The following XIST variants were observed in gnomAD, a reference collection of about 807,000 sequenced individuals.
The protein encoded by XIST is X inactive specific transcript (non-protein coding).
intron 2 of XIST, among the ~76,000 whole-genome samples, chrX:73,836,473 G>C (rs910242746): frequency 9.0e-6 from 1 of 111,623 alleles, no homozygotes; most frequent in South Asian, 3.7e-4. Context: ...GGAGGTAACA[G>C]ATAAGCAAGG....
exon 1 of XIST, chrX:73,843,614 G>A (rs745902118): frequency 9.0e-6 from 5 of 557,006 alleles, no homozygotes; most frequent in Non-Finnish European, 1.3e-5. Flanking sequence ...TGCATATTAA[G>A]TCCAAAAGAA....
intron 2 of XIST, among the ~76,000 whole-genome samples, chrX:73,834,222 G>T (rs1050002316): frequency 1.2e-4 from 14 of 112,287 alleles, no homozygotes; most frequent in African/African-American, 4.2e-4. Context: ...CACTCCATAT[G>T]CAAGCAAATA....
At chrX:73,828,091 T>A in intron 5 of XIST, 2 of 436,145 alleles carry the variant, frequency 4.6e-6, no homozygotes, top group African/African-American at 2.5e-5. Flanking sequence ...CACAGAAAGA[T>A]AAAAAAAATC....
exon 1 of XIST, chrX:73,846,726 A>C (rs1159233357): frequency 3.6e-6 from 2 of 557,505 alleles, no homozygotes; most frequent in Admixed American, 4.4e-5. Flanking sequence ...GACAAATACA[A>C]TCACACATAT....
intron 5 of XIST, chrX:73,828,069 C>A: frequency 2.3e-6 from 1 of 439,780 alleles, no homozygotes; most frequent in Non-Finnish European, 3.9e-6. Flanking sequence ...GCACAAGAGG[C>A]ATGAAAAGCA....
chrX:73,838,065 G>GT (rs1243857374), intron 1 of XIST, among the ~76,000 whole-genome samples: 3 of 111,439 alleles, frequency 2.7e-5, no homozygotes, highest in Admixed American at 9.5e-5. Flanking sequence ...AAAATAAGTC[G>GT]TAAGTTAGTA....
At chrX:73,839,932 T>G (rs1269118019) in intron 1 of XIST, among the ~76,000 whole-genome samples, 1 of 110,441 alleles carries the variant, frequency 9.1e-6, no homozygotes, top group Non-Finnish European at 1.9e-5. Flanking sequence ...ATGTTGACAA[T>G]GAATGACAAT....
chrX:73,844,995 C>T (rs765042747), exon 1 of XIST: 3 of 550,770 alleles, frequency 5.4e-6, no homozygotes, highest in Non-Finnish European at 9.8e-6. Context: ...AATATAATCA[C>T]ATACGTTAAC....
exon 1 of XIST, chrX:73,848,049 G>C (rs770001096): frequency 3.6e-6 from 2 of 557,645 alleles, no homozygotes; most frequent in Admixed American, 2.2e-5. Context: ...GGGGTCTTTA[G>C]TGCACAGGAA....
exon 6 of XIST, chrX:73,826,422 A>C: frequency 1.8e-6 from 1 of 557,668 alleles, no homozygotes; most frequent in Non-Finnish European, 3.2e-6. Flanking sequence ...GAAGATGTGA[A>C]TAGAAACAGA....
exon 6 of XIST, chrX:73,820,967 A>T (rs760442661): frequency 1.8e-6 from 1 of 559,132 alleles, no homozygotes; most frequent in Admixed American, 2.2e-5. Context: ...ATGTGAATAA[A>T]GCAGATGATG....
intron 1 of XIST, among the ~76,000 whole-genome samples, chrX:73,839,502 T>C (rs1250394123): frequency 1.8e-5 from 2 of 111,413 alleles, no homozygotes; most frequent in Admixed American, 9.6e-5. Context: ...AGATTGATGG[T>C]GATCTGAACC....
At chrX:73,850,603 G>C (rs1375417862) in exon 1 of XIST, 1 of 529,273 alleles carries the variant, frequency 1.9e-6, no homozygotes, top group African/African-American at 2.5e-5. Flanking sequence ...TCTGGTCCTT[G>C]CCACGGCTCA....
rs369772052 is a variant in XIST at position 73,821,634 on chromosome X, G to C, written n.18267C>G. 967 of 554,339 alleles carry C rather than the reference G, an allele frequency of 1.7e-3. 8 individuals carry two copies. Among genetic ancestry groups the C allele is most frequent in the South Asian group, 8.5e-3 (375 of 43,983 alleles). 45.7% of individuals were successfully genotyped at this position (554,339 alleles called of 1,213,427 possible). A position where few individuals can be genotyped will look rare whatever the true frequency, so the allele number is the denominator to read the frequency against. ...GTTCTTAAGACCAATTCAGAACAAA[G>C]GCAGGTTGCCCTTAAAACAGGTTTG... On this transcript the variant is annotated non_coding_transcript_exon_variant, in exon 6 of 6. Coordinates refer to ENST00000429829, the Ensembl canonical transcript of XIST.
At chrX:73,827,203 T>A (rs368510098) in exon 6 of XIST, 1 of 558,757 alleles carries the variant, frequency 1.8e-6, no homozygotes, top group East Asian at 3.2e-5. Flanking sequence ...CAGCCTGGCA[T>A]AAGGAACCGC....
chrX:73,849,558 G>C (rs1437181751), exon 1 of XIST: 5 of 556,191 alleles, frequency 9.0e-6, no homozygotes, highest in Non-Finnish European at 1.6e-5. Context: ...CAAATTGTGG[G>C]CAATAATGCT....
At chrX:73,848,522 C>T in exon 1 of XIST, 1 of 557,780 alleles carries the variant, frequency 1.8e-6, no homozygotes. Flanking sequence ...AACATCAATG[C>T]ACAAGAAGAG....
exon 6 of XIST, chrX:73,825,250 T>C (rs1163756039): frequency 3.6e-6 from 2 of 559,223 alleles, no homozygotes; most frequent in Non-Finnish European, 6.5e-6. Context: ...TTACTCAAAA[T>C]TACCAGAGCA....
chrX:73,848,173 A>G (rs1922822076), exon 1 of XIST: 1 of 556,413 alleles, frequency 1.8e-6, no homozygotes, highest in South Asian at 2.2e-5. Context: ...TTTAATGGAA[A>G]AGACCATAAT....
Sources: allele counts gnomAD v4.1 joint callset (sites outside exome capture counted in the v4.1 genomes callset), GRCh38; gene constraint gnomAD v4.1.1; transcripts MANE v1.5; gene names NCBI Gene and HGNC (gene_info 2026-07-23, HGNC 2026-07-21).